MICU1: variants seen among roughly 807,000 people sequenced by gnomAD.
The protein encoded by MICU1 is calcium uptake protein 1, mitochondrial.
MICU1 carries 45 observed loss-of-function variants against 56.8 expected under a neutral mutation model. The ratio of observed to expected loss-of-function variants is 0.79; its 90% CI spans 0.62 to 1.02. MICU1 has a LOEUF of 1.02. Among genes scored for constraint, MICU1 ranks in the 50% least tolerant of loss-of-function variants. The probability of loss-of-function intolerance (pLI) is 0.00; values close to 1 mark genes in which losing one functional copy is unlikely to be tolerated. For missense variants in MICU1, 504 were observed against 587.1 expected (o/e 0.86, Z 1.46); for synonymous variants, 186 against 195.1 (o/e 0.95, Z 0.39).
intron 1 of MICU1, among the ~76,000 whole-genome samples, chr10:72,614,733 A>G (rs908032439): frequency 1.3e-5 from 2 of 152,224 alleles, no homozygotes; most frequent in Non-Finnish European, 2.9e-5. Flanking sequence ...AGAGACAGAA[A>G]GTAGAATGAT....
At chr10:72,505,802 G>A (rs759850063) in intron 6 of MICU1, among the ~76,000 whole-genome samples, 3 of 152,058 alleles carry the variant, frequency 2.0e-5, no homozygotes, top group Non-Finnish European at 2.9e-5. Context: ...TGACACTAGG[G>A]ACTACTACAG....
intron 8 of MICU1, chr10:72,467,818 A>ATTT: frequency 7.0e-6 from 1 of 142,318 alleles, no homozygotes; most frequent in Non-Finnish European, 1.5e-5. Flanking sequence ...AAACGTAACA[A>ATTT]TTTTTTTTTT....
intron 1 of MICU1, among the ~76,000 whole-genome samples, chr10:72,583,359 C>A (rs1206405064): frequency 6.6e-6 from 1 of 151,318 alleles, no homozygotes; most frequent in African/African-American, 2.4e-5. Context: ...TACCTCACTG[C>A]AACTTCCGCC....
chr10:72,396,432 T>C (rs1212313765), intron 10 of MICU1, among the ~76,000 whole-genome samples: 1 of 152,194 alleles, frequency 6.6e-6, no homozygotes, highest in Admixed American at 6.5e-5. Context: ...AGACGGAGAA[T>C]GACTTTGATG....
intron 8 of MICU1, among the ~76,000 whole-genome samples, chr10:72,451,024 C>CT (rs34430004): frequency 0.11 from 12,721 of 115,028 alleles, 2,251 homozygotes; most frequent in African/African-American, 0.36. Flanking sequence ...TCCCTTAAAT[C>CT]TTTTTTTTTT....
chr10:72,457,597 G>A (rs1865512226), intron 8 of MICU1, among the ~76,000 whole-genome samples: 1 of 152,064 alleles, frequency 6.6e-6, no homozygotes, highest in African/African-American at 2.4e-5. Context: ...GTCACAGAAT[G>A]AGCCACATTA....
intron 10 of MICU1, among the ~76,000 whole-genome samples, chr10:72,377,372 G>A (rs373525919): frequency 1.4e-3 from 215 of 152,080 alleles, no homozygotes; most frequent in Admixed American, 2.8e-3. Context: ...TGCCCACCTC[G>A]GCCTCTCAAA....
At chr10:72,543,972 A>G (rs1839837058) in intron 4 of MICU1, among the ~76,000 whole-genome samples, 1 of 152,234 alleles carries the variant, frequency 6.6e-6, no homozygotes, top group Non-Finnish European at 1.5e-5. Flanking sequence ...AGTAAAAACT[A>G]AAAGGCAGAA....
intron 1 of MICU1, among the ~76,000 whole-genome samples, chr10:72,602,738 T>A (rs1404757051): frequency 6.6e-6 from 1 of 152,218 alleles, no homozygotes; most frequent in Non-Finnish European, 1.5e-5. Flanking sequence ...CTTCCTTTTT[T>A]AAATAAGAGC....
At chr10:72,479,584 A>T (rs1346221990) in intron 6 of MICU1, among the ~76,000 whole-genome samples, 1 of 152,212 alleles carries the variant, frequency 6.6e-6, no homozygotes, top group Non-Finnish European at 1.5e-5. Context: ...GCTAGAATGC[A>T]GTGGCACAGT....
At chr10:72,596,343 CAGG>C (rs901557075) in intron 1 of MICU1, among the ~76,000 whole-genome samples, 14 of 151,862 alleles carry the variant, frequency 9.2e-5, no homozygotes, top group African/African-American at 2.9e-4. Flanking sequence ...GAGACTGAGA[CAGG>C]AGGATTGCTT....
intron 1 of MICU1, among the ~76,000 whole-genome samples, chr10:72,567,073 G>A (rs1016738192): frequency 1.3e-5 from 2 of 152,118 alleles, no homozygotes; most frequent in African/African-American, 2.4e-5. Context: ...ATTAAGGCCA[G>A]GTATGTGGCT....
At chr10:72,466,585 G>A (rs1865800563) in intron 8 of MICU1, among the ~76,000 whole-genome samples, 1 of 152,124 alleles carries the variant, frequency 6.6e-6, no homozygotes, top group South Asian at 2.1e-4. Flanking sequence ...TTGTTTCTTG[G>A]ATTTAATTAA....
chr10:72,465,567 G>T (rs531190384), intron 8 of MICU1, among the ~76,000 whole-genome samples: 4 of 137,530 alleles, frequency 2.9e-5, no homozygotes, highest in Admixed American at 1.6e-4. Context: ...AGGCTGGAGT[G>T]CAGTGGCACA....
At chr10:72,621,977 G>A (rs1005021662) in intron 1 of MICU1, among the ~76,000 whole-genome samples, 2 of 152,082 alleles carry the variant, frequency 1.3e-5, no homozygotes, top group Non-Finnish European at 2.9e-5. Context: ...GCAGTGGCAC[G>A]ATCTCAGCTC....
intron 8 of MICU1, among the ~76,000 whole-genome samples, chr10:72,434,594 T>C (rs1346602076): frequency 6.6e-6 from 1 of 152,210 alleles, no homozygotes; most frequent in East Asian, 1.9e-4. Flanking sequence ...AAAGATGTTC[T>C]TCTTTTCATA....
intron 8 of MICU1, among the ~76,000 whole-genome samples, chr10:72,458,170 A>G (rs1161745497): frequency 6.6e-6 from 1 of 151,966 alleles, no homozygotes; most frequent in Admixed American, 6.6e-5. Flanking sequence ...CCATCTCAAA[A>G]AAAAAAAAGA....
intron 3 of MICU1, 121 bp downstream of exon 3, chr10:72,562,774 C>T (rs1033612227): frequency 6.7e-6 from 6 of 898,442 alleles, no homozygotes; most frequent in Non-Finnish European, 7.7e-6. Context: ...TAGAAAATAG[C>T]AAAGAAGTGA....
chr10:72,439,151 A>G (rs1175086844), intron 8 of MICU1, among the ~76,000 whole-genome samples: 1 of 152,242 alleles, frequency 6.6e-6, no homozygotes, highest in Admixed American at 6.5e-5. Context: ...AAAATCCTCA[A>G]TAAAATACTG....
Sources: gnomAD v4.1 joint callset for allele counts (sites outside exome capture counted in the v4.1 genomes callset) on GRCh38, gnomAD v4.1.1 for gene constraint, MANE v1.5 for transcripts, NCBI Gene and HGNC (gene_info 2026-07-23, HGNC 2026-07-21) for gene names.